The following CYP4F12 variants were observed in gnomAD, a reference collection of about 807,000 sequenced individuals.
The protein encoded by CYP4F12 is cytochrome P450 family 4 subfamily F member 12, also known as cytochrome P450 4F12.
A neutral mutation model predicts 56.5 loss-of-function variants in CYP4F12; 60 were observed. The observed-to-expected ratio is 1.06, with a 90% CI of 0.86 to 1.32. The LOEUF (loss-of-function observed/expected upper bound fraction) is 1.32, where lower values mean the gene tolerates loss of function less well. Ranked by LOEUF, CYP4F12 falls within the 40% of genes most tolerant of loss-of-function variation. CYP4F12 has a pLI of 0.00. For missense variants in CYP4F12, 711 were observed against 683.5 expected, an observed-to-expected ratio of 1.04 and a Z score of -0.45; for synonymous variants, 263 against 264.9, an observed-to-expected ratio of 0.99 and a Z score of 0.07.
At chr19:15,673,749 G>T (rs780219034) in intron 2 of CYP4F12, 22 bp downstream of exon 2, 2 of 1,612,418 alleles carry the variant, frequency 1.2e-6, no homozygotes, top group East Asian at 2.2e-5. Flanking sequence ...AGCAAAATGT[G>T]TCTGGGGTCT....
chr19:15,679,149 C>T (rs2007145957), intron 3 of CYP4F12, among the ~76,000 whole-genome samples: 2 of 152,194 alleles, frequency 1.3e-5, no homozygotes, highest in African/African-American at 4.8e-5. Context: ...GGCTCTGACC[C>T]CCAAATCCTT....
At chr19:15,682,761 A>C (rs544196715) in intron 6 of CYP4F12, among the ~76,000 whole-genome samples, 9 of 152,302 alleles carry the variant, frequency 5.9e-5, no homozygotes, top group Non-Finnish European at 1.3e-4. Flanking sequence ...TAGGGGCTAG[A>C]TATTAAGGGC....
At chr19:15,691,617 G>A (rs1358258176) in intron 9 of CYP4F12, among the ~76,000 whole-genome samples, 1 of 151,948 alleles carries the variant, frequency 6.6e-6, no homozygotes, top group Non-Finnish European at 1.5e-5. Flanking sequence ...TATGGGAGTG[G>A]TCATCTGATA....
chr19:15,679,909 G>A (rs192697234), intron 3 of CYP4F12, among the ~76,000 whole-genome samples: 5 of 152,214 alleles, frequency 3.3e-5, no homozygotes, highest in Non-Finnish European at 7.4e-5. Context: ...ATGACAGAGA[G>A]TGCTATGGCA....
At chr19:15,689,507 C>T (rs988155178) in intron 9 of CYP4F12, among the ~76,000 whole-genome samples, 2 of 152,122 alleles carry the variant, frequency 1.3e-5, no homozygotes, top group Non-Finnish European at 2.9e-5. Flanking sequence ...TCATACACTG[C>T]TATGAAAATT....
At chr19:15,693,540 T>C (rs2007976369) in intron 9 of CYP4F12, among the ~76,000 whole-genome samples, 1 of 148,852 alleles carries the variant, frequency 6.7e-6, no homozygotes, top group Non-Finnish European at 1.5e-5. Flanking sequence ...GATGGAGTTG[T>C]TTTTTTCTTG....
intron 9 of CYP4F12, 65 bp downstream of exon 9, chr19:15,685,262 G>A: frequency 6.4e-7 from 1 of 1,570,128 alleles, no homozygotes; most frequent in Non-Finnish European, 8.7e-7. Flanking sequence ...AAGTGAGGAG[G>A]GGTGGAGGAG....
chr19:15,691,180 CT>C (rs909011721), intron 9 of CYP4F12, among the ~76,000 whole-genome samples: 2 of 152,102 alleles, frequency 1.3e-5, no homozygotes, highest in African/African-American at 2.4e-5. Flanking sequence ...ACTAGTGATC[CT>C]TTTTTTCTCC....
chr19:15,684,666 T>G, intron 7 of CYP4F12, 150 bp from the exon 8 acceptor site: 1 of 736,734 alleles, frequency 1.4e-6, no homozygotes, highest in Non-Finnish European at 2.2e-6. Flanking sequence ...AAGAGAGATC[T>G]AGACGTGCAG....
At chr19:15,673,275 G>C (rs1277647126) in intron 1 of CYP4F12, 140 bp downstream of exon 1, 1 of 608,372 alleles carries the variant, frequency 1.6e-6, no homozygotes, top group Non-Finnish European at 3.0e-6. Context: ...AACTCCCAAG[G>C]ATTCAGGTGG....
chr19:15,685,383 C>T (rs2007551069), intron 9 of CYP4F12, among the ~76,000 whole-genome samples, 186 bp downstream of exon 9: 1 of 152,116 alleles, frequency 6.6e-6, no homozygotes, highest in African/African-American at 2.4e-5. Flanking sequence ...GCCTTTAGGA[C>T]CGAAAGACCC....
rs1224712024 is a variant in CYP4F12 at position 15,673,670 on chromosome 19, G to T, written c.141G>T (p.Arg47=). The change falls in exon 2 of 13, where the codon CGG becomes CGT. Residue 47 remains arginine (R), a synonymous_variant. Transcript: ENST00000550308. The stretch of plus-strand genomic sequence containing the variant: ...ATGCCTTCTATAACAACTGCCGCCG[G>T]CTCCAGTGTTTCCCACAGCCCCCAA... The part of the protein sequence containing the change: ...WTYAFYNNCR[R]LQCFPQPPKR... 6.2e-7 allele frequency: 1 copy of T among 1,614,026 alleles called. No homozygotes were observed. Among genetic ancestry groups the T allele is most frequent in the South Asian group, 1.1e-5 (1 of 91,082 alleles).
At chr19:15,677,777 C>CTCACTCATTCCTCTGCTCACTCAA (rs367753876) in intron 2 of CYP4F12, among the ~76,000 whole-genome samples, 1 of 1,962 alleles carries the variant, frequency 5.1e-4, no homozygotes, top group African/African-American at 1.6e-3. Flanking sequence ...CTTCTCCTCA[C>CTCACTCATTCCTCTGCTCACTCAA]TCATTCCTTC....
intron 9 of CYP4F12, among the ~76,000 whole-genome samples, chr19:15,689,969 G>A (rs530726951): frequency 6.6e-6 from 1 of 152,106 alleles, no homozygotes; most frequent in South Asian, 2.1e-4. Flanking sequence ...TTGGGAGCCG[G>A]GTAAGGGAGA....
chr19:15,686,674 A>G (rs648779), intron 9 of CYP4F12, among the ~76,000 whole-genome samples: 44,219 of 152,030 alleles, frequency 0.29, 7,169 homozygotes, highest in African/African-American at 0.42. Context: ...AGGCAATGGG[A>G]AGCCATAACA....
intron 5 of CYP4F12, chr19:15,681,133 T>C (rs2007277851): frequency 6.0e-6 from 1 of 167,100 alleles, no homozygotes; most frequent in African/African-American, 2.4e-5. Flanking sequence ...TCTGTGGACA[T>C]TGTCTCTGCA....
intron 9 of CYP4F12, among the ~76,000 whole-genome samples, chr19:15,693,382 G>A (rs1047957507): frequency 6.6e-6 from 1 of 152,120 alleles, no homozygotes; most frequent in African/African-American, 2.4e-5. Flanking sequence ...TTCCAGTGGG[G>A]CCTCTAGTGT....
At chr19:15,687,728 C>T (rs919123700) in intron 9 of CYP4F12, among the ~76,000 whole-genome samples, 1 of 152,158 alleles carries the variant, frequency 6.6e-6, no homozygotes, top group African/African-American at 2.4e-5. Flanking sequence ...CAGGAGAAGG[C>T]CTTAACTCTA....
intron 9 of CYP4F12, among the ~76,000 whole-genome samples, chr19:15,685,512 G>A (rs1029898533): frequency 6.6e-5 from 10 of 152,120 alleles, no homozygotes; most frequent in Admixed American, 2.6e-4. Context: ...CAGTTTTTTC[G>A]AAAATCCTCA....
Sources: allele counts gnomAD v4.1 joint callset (sites outside exome capture counted in the v4.1 genomes callset), GRCh38; gene constraint gnomAD v4.1.1; transcripts MANE v1.5; gene names NCBI Gene and HGNC (gene_info 2026-07-23, HGNC 2026-07-21).